AGAP1: variants seen among roughly 807,000 people sequenced by gnomAD.
AGAP1 encodes arf-GAP with GTPase, ANK repeat and PH domain-containing protein 1.
In AGAP1, 29 loss-of-function variants were observed where a neutral mutation model predicts 105.3. The observed-to-expected ratio is 0.28, with a 90% CI of 0.21 to 0.38. The LOEUF is 0.38. Among genes scored for constraint, AGAP1 ranks in the 10% least tolerant of loss-of-function variants. The probability of loss-of-function intolerance (pLI) is 1.00; values close to 1 mark genes in which losing one functional copy is unlikely to be tolerated. For synonymous variants in AGAP1, 509 were observed against 485.9 expected (o/e 1.05, Z -0.63); for missense variants, 998 against 1,165.1 (o/e 0.86, Z 2.09).
chr2:235,572,982 CTTCTTCTTCTTCT>C (rs1944583844), intron 1 of AGAP1, among the ~76,000 whole-genome samples: 1 of 27,048 alleles, frequency 3.7e-5, no homozygotes, highest in Admixed American at 3.2e-4. Flanking sequence ...CTTTTTTCTT[CTTCTTCTTCTTCT>C]TCTTCTTCTT....
Position 235,608,850 on chromosome 2 carries a change from A to G in AGAP1, c.164-100329A>G, listed in dbSNP as rs1432986317. Reference sequence around the variant, plus strand: ...CAAGGGTGAAATTCGAATAGATTGTACGAAGGTTTGAGAGCTGGCATGACC... The same window carrying G: ...CAAGGGTGAAATTCGAATAGATTGTGCGAAGGTTTGAGAGCTGGCATGACC... On this transcript the variant is annotated intron_variant, in intron 1 of 17. Coordinates refer to ENST00000304032, the MANE Select transcript of AGAP1 (RefSeq NM_001037131.3). This position sits in a 1 kb window ranked among gnomAD's most constrained non-coding sequence, Gnocchi z 5.4. 6.6e-6 allele frequency among the ~76,000 whole-genome samples: 1 copy of G among 152,188 alleles called. No individual in the cohort carries two copies. Among genetic ancestry groups the G allele is most frequent in the Non-Finnish European group, 1.5e-5 (1 of 68,044 alleles).
chr2:235,706,382 G>A (rs1192643683), intron 1 of AGAP1, among the ~76,000 whole-genome samples: 7 of 149,364 alleles, frequency 4.7e-5, no homozygotes, highest in African/African-American at 1.8e-4. Context: ...CCGCCACCAC[G>A]CCCGGCTAAT....
chr2:235,940,004 G>A (rs1292556167), intron 12 of AGAP1, among the ~76,000 whole-genome samples: 1 of 152,174 alleles, frequency 6.6e-6, no homozygotes, highest in Non-Finnish European at 1.5e-5. Flanking sequence ...TCGGAGGGGA[G>A]TTGGGCGGCT....
chr2:235,595,654 C>T (rs193262205), intron 1 of AGAP1, among the ~76,000 whole-genome samples: 1 of 152,298 alleles, frequency 6.6e-6, no homozygotes, highest in Admixed American at 6.5e-5. Flanking sequence ...AACTGTCCCT[C>T]ATGCTTGGTG....
intron 13 of AGAP1, among the ~76,000 whole-genome samples, chr2:236,015,243 G>T (rs2056656830): frequency 6.6e-6 from 1 of 152,248 alleles, no homozygotes; most frequent in African/African-American, 2.4e-5. Context: ...TTAGTATCAG[G>T]TGTAATGATC....
In AGAP1 at chr2:235,586,153, C is replaced by G. The variant is rs369706004; in HGVS notation, c.163+91304C>G. ...AGTAAATGTAAGGATTTAGGTCGGC[C>G]ATTGTCTCCGTGTAAGTCAACACTA... On this transcript the variant is annotated intron_variant, in intron 1 of 17. Coordinates refer to ENST00000304032, the MANE Select transcript of AGAP1 (RefSeq NM_001037131.3). This position sits in a 1 kb window ranked among gnomAD's most constrained non-coding sequence, Gnocchi z 4.2. Among the ~76,000 whole-genome samples, 15 of 152,112 alleles carry G rather than the reference C, an allele frequency of 9.9e-5. No individual in the cohort carries two copies. Among genetic ancestry groups the G allele is most frequent in the African/African-American group, 3.6e-4 (15 of 41,424 alleles).
chr2:235,772,863 C>T (rs950333951), intron 6 of AGAP1, among the ~76,000 whole-genome samples: 4 of 152,184 alleles, frequency 2.6e-5, no homozygotes, highest in Non-Finnish European at 5.9e-5. Context: ...TCCTTGTGGG[C>T]CCTGCATTCT....
intron 9 of AGAP1, among the ~76,000 whole-genome samples, chr2:235,857,257 A>C (rs2048724114): frequency 6.6e-6 from 1 of 152,150 alleles, no homozygotes; most frequent in African/African-American, 2.4e-5. Flanking sequence ...GGCACATGCA[A>C]GGGATCTAGG....
At chr2:235,682,518 T>A (rs1033092108) in intron 1 of AGAP1, among the ~76,000 whole-genome samples, 3 of 151,710 alleles carry the variant, frequency 2.0e-5, no homozygotes, top group South Asian at 2.1e-4. Context: ...AATTTTTTTT[T>A]AATTTTAGTA....
rs2050448319 is a variant in AGAP1, at chr2:235,889,894, C to CA, written c.1155+6446dup. On this transcript the variant is annotated intron_variant, in intron 10 of 17. Transcript: ENST00000304032. The surrounding 1 kb of genome is among the most constrained non-coding windows in gnomAD (Gnocchi z 4.6). ...AAAGAAGCAAAACATGGAGCCAACT[C>CA]AGACTAAGAAAGCTCCATGAAAGTT... is the stretch of plus-strand genomic sequence containing the variant. Among the ~76,000 whole-genome samples the CA allele has an allele frequency of 1.3e-5, 2 of 152,116 alleles. No homozygotes were observed. The highest frequency in any genetic ancestry group is 2.9e-5 in the Non-Finnish European group (2 of 68,034).
intron 13 of AGAP1, among the ~76,000 whole-genome samples, chr2:236,030,280 G>T (rs113494477): frequency 3.9e-5 from 6 of 152,324 alleles, no homozygotes; most frequent in African/African-American, 1.4e-4. Context: ...CTCCCAAAGT[G>T]CTGGGATTAC....
chr2:235,694,826 G>A (rs1035394424), intron 1 of AGAP1, among the ~76,000 whole-genome samples: 6 of 152,106 alleles, frequency 3.9e-5, no homozygotes, highest in African/African-American at 1.4e-4. Context: ...GGGTGATTAG[G>A]AAGCAAACGC....
At chr2:235,520,414 C>T (rs1942571602) in intron 1 of AGAP1, among the ~76,000 whole-genome samples, 3 of 152,142 alleles carry the variant, frequency 2.0e-5, no homozygotes, top group African/African-American at 4.8e-5. Context: ...GTGTTTGTTT[C>T]GAATGCCTCC....
chr2:235,529,652 A>G (rs1304385939), intron 1 of AGAP1, among the ~76,000 whole-genome samples: 1 of 152,214 alleles, frequency 6.6e-6, no homozygotes, highest in Non-Finnish European at 1.5e-5. Context: ...TCATGACTGT[A>G]TTCACCTGAC....
At chr2:236,097,191 CA>C (rs1340511831) in intron 16 of AGAP1, among the ~76,000 whole-genome samples, 2 of 151,884 alleles carry the variant, frequency 1.3e-5, no homozygotes, top group Non-Finnish European at 2.9e-5. Flanking sequence ...GATTATGATC[CA>C]AACCCATGAT....
intron 1 of AGAP1, among the ~76,000 whole-genome samples, chr2:235,515,373 G>A (rs537787609): frequency 6.6e-6 from 1 of 152,176 alleles, no homozygotes; most frequent in Non-Finnish European, 1.5e-5. Flanking sequence ...TTCTTGGCCA[G>A]GGGAGGCCTT....
intron 1 of AGAP1, among the ~76,000 whole-genome samples, chr2:235,573,419 A>G (rs965240314): frequency 2.0e-5 from 3 of 151,950 alleles, no homozygotes; most frequent in South Asian, 2.1e-4. Context: ...ACGTACTTAC[A>G]TTTTTTGTTT....
At chr2:235,501,707 T>C (rs1474808660) in intron 1 of AGAP1, among the ~76,000 whole-genome samples, 3 of 152,190 alleles carry the variant, frequency 2.0e-5, no homozygotes, top group Non-Finnish European at 4.4e-5. Flanking sequence ...AGTCTCACTC[T>C]GGCTTGTTTT....
chr2:235,956,930 C>T (rs775437726), intron 12 of AGAP1, among the ~76,000 whole-genome samples: 9 of 152,220 alleles, frequency 5.9e-5, no homozygotes, highest in African/African-American at 9.6e-5. Context: ...GTATAGTGGA[C>T]GTTTTAAAAT....
Sources: allele counts gnomAD v4.1 joint callset (sites outside exome capture counted in the v4.1 genomes callset), GRCh38; gene constraint gnomAD v4.1.1; non-coding constraint Gnocchi (gnomAD v3.1); transcripts MANE v1.5; gene names NCBI Gene and HGNC (gene_info 2026-07-23, HGNC 2026-07-21).